Variants in MAP3K9 observed in about 807,000 individuals in gnomAD.
The protein encoded by MAP3K9 is mitogen-activated protein kinase kinase kinase 9, also known as mixed lineage kinase 1 (tyr and ser/thr specificity).
In MAP3K9, 46 loss-of-function variants were observed where a neutral mutation model predicts 95.8. The observed-to-expected ratio is 0.48, with a 90% CI of 0.38 to 0.61. The LOEUF is 0.61. Ranked by LOEUF, MAP3K9 falls within the 20% of genes least tolerant of loss-of-function variation. The pLI is 0.00. For missense variants in MAP3K9, 1,296 were observed against 1,474.3 expected (o/e 0.88, Z 1.98); for synonymous variants, 533 against 593.8 (o/e 0.90, Z 1.49).
intron 2 of MAP3K9, among the ~76,000 whole-genome samples, chr14:70,787,212 A>G (rs1484707115): frequency 6.6e-6 from 1 of 152,084 alleles, no homozygotes; most frequent in African/African-American, 2.4e-5. Flanking sequence ...GATCTTAACT[A>G]TAAGATCAGT....
At chr14:70,786,567 C>A (rs764615721) in intron 2 of MAP3K9, among the ~76,000 whole-genome samples, 7 of 152,140 alleles carry the variant, frequency 4.6e-5, no homozygotes, top group Non-Finnish European at 1.0e-4. Flanking sequence ...TGGGACCTTA[C>A]AAGGAAATTG....
At chr14:70,737,187 A>G (rs1327018544) in intron 8 of MAP3K9, among the ~76,000 whole-genome samples, 2 of 152,250 alleles carry the variant, frequency 1.3e-5, no homozygotes, top group African/African-American at 4.8e-5. Flanking sequence ...CATTCTTCAG[A>G]TATGATGTAA....
chr14:70,807,356 G>A (rs1464205274), intron 1 of MAP3K9, among the ~76,000 whole-genome samples: 1 of 152,138 alleles, frequency 6.6e-6, no homozygotes, highest in Non-Finnish European at 1.5e-5. Context: ...CAGGCATGGT[G>A]GCGGGCGCCT....
In MAP3K9 at chr14:70,730,771, C is replaced by T; in HGVS notation, c.2924G>A (p.Trp975Ter). 6.2e-7 allele frequency: 1 copy of T among 1,613,594 alleles called. No individual in the cohort carries two copies. The highest frequency in any genetic ancestry group is 8.5e-7 in the Non-Finnish European group (1 of 1,179,958). Residue 975 changes from tryptophan (W) to a stop codon, truncating the protein, a stop_gained, in exon 12 of 12, where the codon TGG (tryptophan) becomes TAG (stop). Transcript: ENST00000554752. LOFTEE classifies it high-confidence loss of function. ...CAAGGTAGAGTCCTGCTGAGTGTTC[C>T]AGCGCCTTGGGGTTGGGGGGAAGAC... ...NVVFPPTPRR[W>*]NTQQDSTLER...
chr14:70,754,683 G>A (rs2054274577), intron 3 of MAP3K9, among the ~76,000 whole-genome samples: 1 of 152,138 alleles, frequency 6.6e-6, no homozygotes, highest in Non-Finnish European at 1.5e-5. Flanking sequence ...ATGTTAGCCA[G>A]GATGGTCTCG....
intron 2 of MAP3K9, among the ~76,000 whole-genome samples, chr14:70,772,131 G>A (rs890797884): frequency 6.6e-6 from 1 of 152,126 alleles, no homozygotes; most frequent in Non-Finnish European, 1.5e-5. Context: ...GCCTAGAGAT[G>A]GAAGGGAGAC....
chr14:70,761,911 T>C (rs368739729), intron 2 of MAP3K9, among the ~76,000 whole-genome samples: 1 of 152,192 alleles, frequency 6.6e-6, no homozygotes, highest in African/African-American at 2.4e-5. Flanking sequence ...TAAGCAATTA[T>C]TCCCCATTCT....
chr14:70,737,161 T>C (rs1300140842), intron 8 of MAP3K9, among the ~76,000 whole-genome samples: 4 of 152,166 alleles, frequency 2.6e-5, no homozygotes, highest in African/African-American at 7.2e-5. Flanking sequence ...GAATATGAAG[T>C]ATAAACGGTT....
At chr14:70,787,507 CAA>C (rs66469021) in intron 2 of MAP3K9, among the ~76,000 whole-genome samples, 155 of 126,130 alleles carry the variant, frequency 1.2e-3, no homozygotes, top group Admixed American at 4.9e-3. Flanking sequence ...GACTCTGTCT[CAA>C]AAAAAAAAAA....
Position 70,770,283 on chromosome 14 carries a change from C to T in MAP3K9, c.821-9101G>A, listed in dbSNP as rs189279728. 2.9e-3 allele frequency among the ~76,000 whole-genome samples: 439 copies of T among 152,270 alleles called. 8 individuals are homozygous for T. Among genetic ancestry groups the T allele is most frequent in the African/African-American group, 9.8e-3 (408 of 41,530 alleles). On this transcript the variant is annotated intron_variant, in intron 2 of 11. Transcript: ENST00000554752. Reference sequence around the variant, plus strand: ...GCAACCTCCACTTCCTGGGTTCAAGCGATTCTCCTGCCTCGGCCTCCCATG... The same window carrying T: ...GCAACCTCCACTTCCTGGGTTCAAGTGATTCTCCTGCCTCGGCCTCCCATG...
intron 2 of MAP3K9, among the ~76,000 whole-genome samples, chr14:70,795,318 A>AT (rs1344699898): frequency 8.3e-5 from 12 of 144,918 alleles, no homozygotes; most frequent in Admixed American, 4.1e-4. Flanking sequence ...TTATTTATTT[A>AT]TTTTTTTTGA....
Position 70,734,501 on chromosome 14 carries a change from GA to G in MAP3K9, c.1914-4del, listed in dbSNP as rs769067833. 6 of 1,550,536 alleles carry G rather than the reference GA, an allele frequency of 3.9e-6. No homozygotes were observed. The African/African-American group carries it at 6.8e-5, about 18-fold the overall frequency. On this transcript the variant is annotated splice_region_variant and splice_polypyrimidine_tract_variant and intron_variant, in intron 9 of 11. Coordinates refer to ENST00000554752, the MANE Select transcript of MAP3K9 (RefSeq NM_001284230.2). ...ATCCATCTACCAGGGACTTGAGGCTGAATCAGAGGAAAAGAGGAAACTGTCA... is the reference window on the plus strand; with the variant it reads ...ATCCATCTACCAGGGACTTGAGGCTGATCAGAGGAAAAGAGGAAACTGTCA...
chr14:70,742,868 G>A (rs1353859542), intron 5 of MAP3K9, among the ~76,000 whole-genome samples: 2 of 148,898 alleles, frequency 1.3e-5, no homozygotes, highest in Non-Finnish European at 3.0e-5. Context: ...GTTTCTAGTC[G>A]CTCCTTCCTT....
intron 3 of MAP3K9, among the ~76,000 whole-genome samples, chr14:70,751,650 C>T (rs1016674016): frequency 6.6e-6 from 1 of 151,990 alleles, no homozygotes; most frequent in Non-Finnish European, 1.5e-5. Context: ...ATCTAGGAGG[C>T]GAAGGTTGCA....
intron 1 of MAP3K9, among the ~76,000 whole-genome samples, chr14:70,807,164 A>C (rs1423249471): frequency 6.6e-6 from 1 of 152,238 alleles, no homozygotes; most frequent in Non-Finnish European, 1.5e-5. Context: ...CGAAGAGGCT[A>C]TGATTTTGAT....
rs563116562 is a variant in MAP3K9 at position 70,747,424 on chromosome 14, T to G, written c.1326+1405A>C. Among the ~76,000 whole-genome samples the G allele has an allele frequency of 7.2e-5, 11 of 152,372 alleles. 1 individual carries two copies. In the South Asian group the frequency reaches 2.3e-3, roughly 32 times the overall value. ...TTTGCTACCATGATTATAAGTTTCC[T>G]GAGGCCTCTCCAGCCCTGTGCAACT... On this transcript the variant is annotated intron_variant, in intron 5 of 11. Transcript: ENST00000554752.
chr14:70,733,331 T>C lies in MAP3K9; in HGVS notation c.2038A>G (p.Ser680Gly). The C allele has an allele frequency of 7.4e-7, 1 of 1,346,136 alleles. No homozygotes were observed. The highest frequency in any genetic ancestry group is 1.0e-6 in the Non-Finnish European group (1 of 959,564). The allele number at this position is 1,346,136 out of a possible 1,614,324, so 83.4% of individuals were successfully genotyped here. Residue 680 changes from serine to glycine, a missense_variant, in exon 11 of 12, where the codon AGT becomes GGT. Coordinates refer to ENST00000554752, the MANE Select transcript of MAP3K9 (RefSeq NM_001284230.2). ...TSLMEMEDED[S>G]EGPGSGESRL... is the part of the protein sequence containing the mutation. ...CTCTCTCCACTCCCTGGGCCTTCAC[T>C]GTCCTCATCCTCTGTGAAGATGACA... is the stretch of plus-strand genomic sequence containing the variant.
At chr14:70,806,614 T>A (rs765234025) in intron 1 of MAP3K9, among the ~76,000 whole-genome samples, 2 of 152,226 alleles carry the variant, frequency 1.3e-5, no homozygotes, top group Non-Finnish European at 2.9e-5. Flanking sequence ...ACAATGAAGA[T>A]AAGTCCTGGC....
In MAP3K9 at chr14:70,800,652, T is replaced by C. The variant is rs1196293793; in HGVS notation, c.820+15A>G. The C allele has an allele frequency of 3.1e-6, 5 of 1,607,042 alleles. No individual in the cohort carries two copies. The highest frequency in any genetic ancestry group is 4.3e-6 in the Non-Finnish European group (5 of 1,176,184). On this transcript the variant is annotated intron_variant, in intron 2 of 11. Coordinates refer to ENST00000554752, the MANE Select transcript of MAP3K9 (RefSeq NM_001284230.2). Reference sequence around the variant, plus strand: ...ACTGCTCTGAGCCCCTCCAGCCCCATCTCTTCATACTCACTGTTGCTGGAC... The same window carrying C: ...ACTGCTCTGAGCCCCTCCAGCCCCACCTCTTCATACTCACTGTTGCTGGAC...
Sources: allele counts gnomAD v4.1 joint callset (sites outside exome capture counted in the v4.1 genomes callset), GRCh38; gene constraint gnomAD v4.1.1; transcripts MANE v1.5; gene names NCBI Gene and HGNC (gene_info 2026-07-23, HGNC 2026-07-21).